The following TCF7L1 variants were observed in gnomAD, a reference collection of about 807,000 sequenced individuals.
TCF7L1 encodes transcription factor 7 like 1.
Under a neutral mutation model 63.7 loss-of-function variants are expected in TCF7L1, and 18 were observed. That is an observed-to-expected ratio of 0.28 (90% confidence interval 0.20 to 0.42). The LOEUF (loss-of-function observed/expected upper bound fraction) is 0.42, where lower values mean the gene tolerates loss of function less well. TCF7L1 is among the 10% of genes least tolerant of loss of function. The probability of loss-of-function intolerance (pLI) is 1.00; values close to 1 mark genes in which losing one functional copy is unlikely to be tolerated. For synonymous variants in TCF7L1, 355 were observed against 340.9 expected, an observed-to-expected ratio of 1.04 and a Z score of -0.46; for missense variants, 654 against 779.3, an observed-to-expected ratio of 0.84 and a Z score of 1.91.
In TCF7L1 at chr2:85,295,775, CTTTTT is replaced by C. The variant is rs56373561; in HGVS notation, c.526-6691_526-6687del. On this transcript the variant is annotated intron_variant, in intron 4 of 11. Transcript: ENST00000282111. ...CTCAAAATGAAGAAAGTAACATTTA[CTTTTT>C]TTTTTTTTTTTTTTTTTGAGACCGT... Among the ~76,000 whole-genome samples, 8 of 100,882 alleles carry C rather than the reference CTTTTT, an allele frequency of 7.9e-5. 1 individual carries two copies. Among genetic ancestry groups the C allele is most frequent in the East Asian group, 6.0e-4 (2 of 3,330 alleles). 66.2% of individuals were successfully genotyped at this position (100,882 alleles called of 152,430 possible). A position where few individuals can be genotyped will look rare whatever the true frequency, so the allele number is the denominator to read the frequency against.
At chr2:85,188,864 C>T (rs143580746) in intron 3 of TCF7L1, among the ~76,000 whole-genome samples, 37 of 152,322 alleles carry the variant, frequency 2.4e-4, no homozygotes, top group African/African-American at 8.2e-4. Context: ...GAATTACTAA[C>T]TCCGGGTTGG....
intron 3 of TCF7L1, among the ~76,000 whole-genome samples, chr2:85,275,113 G>A (rs62162674): frequency 6.6e-6 from 1 of 152,132 alleles, no homozygotes. Context: ...GGCACTCCCA[G>A]TGCCCTCTGT....
intron 3 of TCF7L1, among the ~76,000 whole-genome samples, chr2:85,213,227 A>G (rs540483468): frequency 5.3e-5 from 8 of 152,260 alleles, no homozygotes; most frequent in South Asian, 2.1e-4. Context: ...ATGACAAGGA[A>G]CTGTATTAAA....
intron 3 of TCF7L1, among the ~76,000 whole-genome samples, chr2:85,197,677 T>C (rs940382464): frequency 1.3e-5 from 2 of 152,238 alleles, no homozygotes; most frequent in African/African-American, 2.4e-5. Flanking sequence ...CTGTCAATCG[T>C]CACCCTGCCT....
intron 3 of TCF7L1, among the ~76,000 whole-genome samples, chr2:85,227,638 A>G (rs1679987956): frequency 6.6e-6 from 1 of 152,192 alleles, no homozygotes; most frequent in African/African-American, 2.4e-5. Context: ...CCATTCTAAT[A>G]GAAACCAGTG....
At chr2:85,195,311 G>T (rs183955458) in intron 3 of TCF7L1, among the ~76,000 whole-genome samples, 1 of 152,196 alleles carries the variant, frequency 6.6e-6, no homozygotes, top group African/African-American at 2.4e-5. Context: ...TGCATGGGAC[G>T]TGGTGGCTTA....
intron 4 of TCF7L1, among the ~76,000 whole-genome samples, chr2:85,299,383 C>G (rs1218741641): frequency 1.3e-5 from 2 of 151,608 alleles, no homozygotes; most frequent in African/African-American, 2.4e-5. Flanking sequence ...AACCCCATCT[C>G]TACTAAAAAT....
intron 3 of TCF7L1, among the ~76,000 whole-genome samples, chr2:85,234,523 C>G (rs552091739): frequency 6.6e-6 from 1 of 152,202 alleles, no homozygotes; most frequent in South Asian, 2.1e-4. Context: ...GAAGGAATGC[C>G]CCCATTCTTT....
In TCF7L1 at chr2:85,301,132, A is replaced by T. The variant is rs188036581; in HGVS notation, c.526-1352A>T. ...TCTCCACTTGTAACTCACTTATCTT[A>T]TTATCAAAAAACATAATTTCTGTCC... On this transcript the variant is annotated intron_variant, in intron 4 of 11. Coordinates refer to ENST00000282111, the MANE Select transcript of TCF7L1 (RefSeq NM_031283.3). Among the ~76,000 whole-genome samples the T allele has an allele frequency of 2.8e-4, 43 of 152,116 alleles. 1 individual carries two copies. The highest frequency in any genetic ancestry group is 9.6e-4 in the African/African-American group (40 of 41,490).
At chr2:85,245,810 A>C (rs1252072571) in intron 3 of TCF7L1, among the ~76,000 whole-genome samples, 1 of 150,320 alleles carries the variant, frequency 6.7e-6, no homozygotes, top group African/African-American at 2.5e-5. Flanking sequence ...GCGAGACTCC[A>C]TCTCAAAAAA....
At chr2:85,149,466 GAA>G (rs1655185740) in intron 3 of TCF7L1, among the ~76,000 whole-genome samples, 1 of 151,982 alleles carries the variant, frequency 6.6e-6, no homozygotes, top group Non-Finnish European at 1.5e-5. Flanking sequence ...TTCAGTCACA[GAA>G]AATATACAAA....
intron 3 of TCF7L1, among the ~76,000 whole-genome samples, chr2:85,193,328 A>C (rs1679080355): frequency 6.6e-6 from 1 of 152,148 alleles, no homozygotes; most frequent in Non-Finnish European, 1.5e-5. Context: ...GTTTAAACTA[A>C]GTGATATTTA....
At chr2:85,148,773 T>C (rs1012288008) in intron 3 of TCF7L1, among the ~76,000 whole-genome samples, 95 of 141,050 alleles carry the variant, frequency 6.7e-4, no homozygotes, top group South Asian at 1.1e-3. Context: ...AGTATTTAAT[T>C]TTTTTTTTTT....
At chr2:85,202,798 C>G (rs1250959343) in intron 3 of TCF7L1, among the ~76,000 whole-genome samples, 1 of 152,140 alleles carries the variant, frequency 6.6e-6, no homozygotes, top group Non-Finnish European at 1.5e-5. Context: ...TAAACACTGA[C>G]TCTAAAGGCC....
chr2:85,155,388 A>G (rs968669234), intron 3 of TCF7L1, among the ~76,000 whole-genome samples: 1 of 152,262 alleles, frequency 6.6e-6, no homozygotes, highest in African/African-American at 2.4e-5. Context: ...TTCACAATAA[A>G]TCTTGCTGCT....
At chr2:85,262,392 GAA>G (rs34479100) in intron 3 of TCF7L1, 134 of 311,134 alleles carry the variant, frequency 4.3e-4, no homozygotes, top group South Asian at 5.7e-4. Flanking sequence ...TCTCTTAAAA[GAA>G]AAAAAAAAAA....
At chr2:85,142,299 G>A (rs775319700) in intron 3 of TCF7L1, among the ~76,000 whole-genome samples, 7 of 151,896 alleles carry the variant, frequency 4.6e-5, no homozygotes, top group Non-Finnish European at 1.0e-4. Flanking sequence ...ATGGTGGTGG[G>A]CACCAGCTTC....
intron 3 of TCF7L1, among the ~76,000 whole-genome samples, chr2:85,258,216 C>T (rs1573013473): frequency 2.0e-5 from 3 of 152,252 alleles, no homozygotes; most frequent in Admixed American, 2.0e-4. Context: ...ACACTGTACC[C>T]TTAGACCTGA....
At chr2:85,301,702 G>A (rs1021390565) in intron 4 of TCF7L1, among the ~76,000 whole-genome samples, 2 of 152,210 alleles carry the variant, frequency 1.3e-5, no homozygotes, top group Admixed American at 6.5e-5. Flanking sequence ...GGTTGTGTCT[G>A]TAAAGCCTGA....
Sources: allele counts gnomAD v4.1 joint callset (sites outside exome capture counted in the v4.1 genomes callset), GRCh38; gene constraint gnomAD v4.1.1; transcripts MANE v1.5; gene names NCBI Gene and HGNC (gene_info 2026-07-23, HGNC 2026-07-21).